GLRA2: variants seen among roughly 807,000 people sequenced by gnomAD.
The protein encoded by GLRA2 is glycine receptor subunit alpha-2.
In GLRA2, 11 loss-of-function variants were observed where a neutral mutation model predicts 31.6. That is an observed-to-expected ratio of 0.35 (90% CI 0.22 to 0.58). The LOEUF (loss-of-function observed/expected upper bound fraction) is 0.58, where lower values mean the gene tolerates loss of function less well. GLRA2 is among the 20% of genes least tolerant of loss of function. The probability of loss-of-function intolerance (pLI) is 0.84; values close to 1 mark genes in which losing one functional copy is unlikely to be tolerated. For synonymous variants in GLRA2, 132 were observed against 134.0 expected (o/e 0.99, Z 0.10); for missense variants, 212 against 351.8 (o/e 0.60, Z 3.18).
At chrX:14,666,196 C>G (rs990646869) in intron 7 of GLRA2, among the ~76,000 whole-genome samples, 22 of 111,548 alleles carry the variant, frequency 2.0e-4, no homozygotes, top group African/African-American at 6.5e-4. Flanking sequence ...CTGGATAAAG[C>G]TCAACAAATG....
chrX:14,602,352 G>GTTGTTTGTTTGTTTGTTTGT, intron 4 of GLRA2, among the ~76,000 whole-genome samples: 1 of 104,263 alleles, frequency 9.6e-6, no homozygotes, highest in Middle Eastern at 4.9e-3. Context: ...TGTACAAACC[G>GTTGTTTGTTTGTTTGTTTGT]TTGTTTGTTT....
chrX:14,687,422 T>C (rs915810405), intron 7 of GLRA2, among the ~76,000 whole-genome samples: 8 of 112,204 alleles, frequency 7.1e-5, no homozygotes, highest in Non-Finnish European at 9.4e-5. Context: ...TCCATTATCC[T>C]CGTCACTTTC....
At position 14,688,787 on chromosome X, in the gene GLRA2, CGGT is replaced by C. The variant is rs751803250; in HGVS notation, c.931-1920_931-1918del. 5.4e-5 allele frequency among the ~76,000 whole-genome samples: 6 copies of C among 110,360 alleles called. No individual in the cohort carries two copies. The East Asian group carries it at 1.4e-3, about 27-fold the overall frequency. ...GCCTCACCCTGGTCCGGCTCACGCT[CGGT>C]GGGCTGCACCCACTGTCCTGCCCCC... On this transcript the variant is annotated intron_variant, in intron 7 of 8. Transcript: ENST00000218075.
intron 8 of GLRA2, among the ~76,000 whole-genome samples, chrX:14,725,885 T>C (rs1222869677): frequency 1.8e-5 from 2 of 112,510 alleles, no homozygotes; most frequent in African/African-American, 6.5e-5. Flanking sequence ...CAAAGTGCGA[T>C]ATAAAAATTG....
chrX:14,494,632 A>G, the GLRA2 span, among the ~76,000 whole-genome samples: 2 of 111,447 alleles, frequency 1.8e-5, no homozygotes, highest in African/African-American at 6.5e-5. Context: ...GGTGTTTCCT[A>G]CGACTAGGGA....
intron 2 of GLRA2, among the ~76,000 whole-genome samples, chrX:14,544,530 T>G (rs2089452198): frequency 9.0e-6 from 1 of 111,686 alleles, no homozygotes; most frequent in African/African-American, 3.2e-5. Flanking sequence ...TTTAAAAATT[T>G]AAATCTATAC....
chrX:14,714,610 C>G (rs1447053298), intron 8 of GLRA2, among the ~76,000 whole-genome samples: 1 of 111,647 alleles, frequency 9.0e-6, no homozygotes, highest in Non-Finnish European at 1.9e-5. Flanking sequence ...TTGTTCTCCC[C>G]TGCCCATACA....
chrX:14,621,483 A>C (rs1206420741), intron 7 of GLRA2, among the ~76,000 whole-genome samples: 1 of 110,995 alleles, frequency 9.0e-6, no homozygotes, highest in Non-Finnish European at 1.9e-5. Context: ...CATTTACATT[A>C]GGTATTTCTC....
At chrX:14,577,828 G>A (rs1190957697) in intron 3 of GLRA2, among the ~76,000 whole-genome samples, 3 of 111,381 alleles carry the variant, frequency 2.7e-5, no homozygotes, top group African/African-American at 9.8e-5. Context: ...CACAGCCCAA[G>A]CTTTCTTTAC....
At chrX:14,459,146 T>C in the GLRA2 span, among the ~76,000 whole-genome samples, 3 of 112,142 alleles carry the variant, frequency 2.7e-5, no homozygotes, top group South Asian at 1.1e-3. Context: ...TCCCCATTTC[T>C]TGTTTTTGTC....
the GLRA2 span, among the ~76,000 whole-genome samples, chrX:14,506,687 T>A: frequency 1.8e-5 from 2 of 111,628 alleles, no homozygotes; most frequent in African/African-American, 6.5e-5. Flanking sequence ...GTGAAAAGGA[T>A]GTTCTAATAA....
the GLRA2 span, among the ~76,000 whole-genome samples, chrX:14,465,670 T>C: frequency 8.9e-6 from 1 of 112,215 alleles, no homozygotes; most frequent in Admixed American, 9.4e-5. Flanking sequence ...TTCTCAAGTG[T>C]CCTCTACTTT....
chrX:14,497,268 C>A, the GLRA2 span, among the ~76,000 whole-genome samples: 1 of 111,728 alleles, frequency 9.0e-6, no homozygotes, highest in Non-Finnish European at 1.9e-5. Context: ...CGTCTGATAA[C>A]CAGGGCAACT....
At chrX:14,584,363 G>A (rs1330034077) in intron 4 of GLRA2, among the ~76,000 whole-genome samples, 1 of 111,489 alleles carries the variant, frequency 9.0e-6, no homozygotes, top group East Asian at 2.8e-4. Context: ...GGCATTTAAA[G>A]GTCCTTAACA....
the GLRA2 span, among the ~76,000 whole-genome samples, chrX:14,506,010 A>G: frequency 3.6e-5 from 4 of 111,530 alleles, no homozygotes; most frequent in African/African-American, 9.8e-5. Flanking sequence ...AAGTGAATTA[A>G]CTGTCCCTGC....
intron 8 of GLRA2, among the ~76,000 whole-genome samples, chrX:14,718,507 G>C (rs999818541): frequency 8.9e-6 from 1 of 112,043 alleles, no homozygotes; most frequent in African/African-American, 3.2e-5. Flanking sequence ...ATCTTACTAT[G>C]CTCAGGAATT....
chrX:14,489,382 A>G, the GLRA2 span, among the ~76,000 whole-genome samples: 6,581 of 111,293 alleles, frequency 0.059, 506 homozygotes, highest in African/African-American at 0.2. Flanking sequence ...CTTTTCCTTA[A>G]TTCAGCTAAA....
intron 8 of GLRA2, among the ~76,000 whole-genome samples, chrX:14,702,990 C>T (rs1243090014): frequency 9.0e-6 from 1 of 111,322 alleles, no homozygotes; most frequent in East Asian, 2.8e-4. Flanking sequence ...GGGGGAGCCT[C>T]TGGGTCAGAG....
intron 8 of GLRA2, among the ~76,000 whole-genome samples, chrX:14,691,152 A>C (rs1028649420): frequency 4.6e-4 from 52 of 112,004 alleles, no homozygotes; most frequent in Non-Finnish European, 7.3e-4. Flanking sequence ...TATACTAAAA[A>C]TTGTTTATCT....
Sources: allele counts gnomAD v4.1 joint callset (sites outside exome capture counted in the v4.1 genomes callset), GRCh38; gene constraint gnomAD v4.1.1; transcripts MANE v1.5; gene names NCBI Gene and HGNC (gene_info 2026-07-23, HGNC 2026-07-21).